The following PLPPR1 variants were observed in gnomAD, a reference collection of about 807,000 sequenced individuals.
PLPPR1 encodes phospholipid phosphatase-related protein type 1.
A neutral mutation model predicts 33.1 loss-of-function variants in PLPPR1; 10 were observed. The observed-to-expected ratio is 0.30, with a 90% CI of 0.19 to 0.51. The LOEUF (loss-of-function observed/expected upper bound fraction) is 0.51, where lower values mean the gene tolerates loss of function less well. Ranked by LOEUF, PLPPR1 falls within the 20% of genes least tolerant of loss-of-function variation. The pLI, the probability that PLPPR1 is intolerant of heterozygous loss-of-function variation, is 0.97. For synonymous variants in PLPPR1, 151 were observed against 151.0 expected (o/e 1.00, Z 0.00); for missense variants, 304 against 408.1 (o/e 0.74, Z 2.20).
At chr9:101,173,547 A>G (rs1393019181) in intron 1 of PLPPR1, among the ~76,000 whole-genome samples, 5 of 152,124 alleles carry the variant, frequency 3.3e-5, no homozygotes, top group Non-Finnish European at 7.4e-5. Flanking sequence ...TGTTTCCCCC[A>G]GTACAACAAG....
At chr9:101,169,150 T>C (rs1157432266) in intron 1 of PLPPR1, among the ~76,000 whole-genome samples, 1 of 152,130 alleles carries the variant, frequency 6.6e-6, no homozygotes, top group East Asian at 1.9e-4. Flanking sequence ...TGCTGGGGAC[T>C]TTCCCAATGT....
chr9:101,161,230 A>G, intron 1 of PLPPR1, among the ~76,000 whole-genome samples: 1 of 152,158 alleles, frequency 6.6e-6, no homozygotes, highest in African/African-American at 2.4e-5. Context: ...TATAGTAGTT[A>G]TCATGTTGCC....
intron 1 of PLPPR1, among the ~76,000 whole-genome samples, chr9:101,091,215 G>T: frequency 6.6e-6 from 1 of 151,958 alleles, no homozygotes; most frequent in Non-Finnish European, 1.5e-5. Flanking sequence ...ATCTCATATA[G>T]TTGCCCAGGA....
At chr9:101,172,667 G>A (rs12345042) in intron 1 of PLPPR1, among the ~76,000 whole-genome samples, 99 of 152,090 alleles carry the variant, frequency 6.5e-4, no homozygotes, top group African/African-American at 2.3e-3. Flanking sequence ...ACCCCCAAGT[G>A]CTCTCTCTCT....
chr9:101,114,727 A>G (rs1260273080), intron 1 of PLPPR1, among the ~76,000 whole-genome samples: 3 of 152,196 alleles, frequency 2.0e-5, no homozygotes, highest in Non-Finnish European at 4.4e-5. Flanking sequence ...GATGCTCTTA[A>G]CAATTACATA....
rs9776089 is a variant in PLPPR1 at position 101,153,269 on chromosome 9, C to T, written c.-45-32181C>T. 6.6e-3 allele frequency among the ~76,000 whole-genome samples: 1,009 copies of T among 152,264 alleles called. 10 individuals are homozygous for T. Among genetic ancestry groups the T allele is most frequent in the African/African-American group, 0.024 (977 of 41,546 alleles). ...TTGTATCCTGAGACTGCTGAAGTTG[C>T]TTATCAGCTTAAGGAGATTTTGGGT... On this transcript the variant is annotated intron_variant, in intron 1 of 7. Transcript: ENST00000374874.
In PLPPR1 at chr9:101,078,188, GA is replaced by G. The variant is rs1411942061; in HGVS notation, c.-46+49087del. On this transcript the variant is annotated intron_variant, in intron 1 of 7. Coordinates refer to ENST00000374874, the MANE Select transcript of PLPPR1 (RefSeq NM_207299.2). ...AGAAGAAGAAGAAGAAGAAGAAGAG[GA>G]GGGGGGGAGGGGGAGGGGGAGGGGG... Among the ~76,000 whole-genome samples, 3 of 22,914 alleles carry G rather than the reference GA, an allele frequency of 1.3e-4. 1 individual carries two copies. The highest frequency in any genetic ancestry group is 2.6e-4 in the Non-Finnish European group (3 of 11,686). The allele number at this position is 22,914 out of a possible 152,430, so 15.0% of individuals were successfully genotyped here. A position where few individuals can be genotyped will look rare whatever the true frequency, so the allele number is the denominator to read the frequency against.
At chr9:101,114,893 G>C (rs925271848) in intron 1 of PLPPR1, among the ~76,000 whole-genome samples, 6 of 152,222 alleles carry the variant, frequency 3.9e-5, no homozygotes, top group South Asian at 2.1e-4. Flanking sequence ...GAGAGCTTAG[G>C]ACAATTTGTT....
intron 1 of PLPPR1, among the ~76,000 whole-genome samples, chr9:101,120,242 C>T (rs1831161919): frequency 6.6e-6 from 1 of 152,220 alleles, no homozygotes; most frequent in Non-Finnish European, 1.5e-5. Context: ...TTAGCACCTT[C>T]ACTCTAGCCA....
chr9:101,252,066 C>A (rs910889107), intron 2 of PLPPR1, among the ~76,000 whole-genome samples: 1 of 152,082 alleles, frequency 6.6e-6, no homozygotes, highest in Admixed American at 6.6e-5. Flanking sequence ...TTTAAACTTA[C>A]ACTTCGTTCA....
chr9:101,285,534 G>A (rs903540316), intron 3 of PLPPR1, among the ~76,000 whole-genome samples: 6 of 152,126 alleles, frequency 3.9e-5, no homozygotes, highest in Non-Finnish European at 8.8e-5. Context: ...ATGTTGTGGT[G>A]GATAGGTTCT....
intron 1 of PLPPR1, among the ~76,000 whole-genome samples, chr9:101,126,745 G>C (rs1198316746): frequency 1.3e-5 from 2 of 152,008 alleles, no homozygotes; most frequent in Non-Finnish European, 2.9e-5. Context: ...CTTTTTTTCA[G>C]TTTCTCTTTC....
rs1487025156 is a variant in PLPPR1 at position 101,068,652 on chromosome 9, T to G, written c.-46+39550T>G. On this transcript the variant is annotated intron_variant, in intron 1 of 7. Coordinates refer to ENST00000374874, the MANE Select transcript of PLPPR1 (RefSeq NM_207299.2). ...TAAATTAAAACCTAGCCTCCCTGAGTCTATGATCCCTTCCCCAAACACCGA... is the reference window on the plus strand; with the variant it reads ...TAAATTAAAACCTAGCCTCCCTGAGGCTATGATCCCTTCCCCAAACACCGA... 3.3e-5 allele frequency among the ~76,000 whole-genome samples: 5 copies of G among 151,794 alleles called. No individual in the cohort carries two copies. The East Asian group carries it at 9.7e-4, about 30-fold the overall frequency.
intron 1 of PLPPR1, among the ~76,000 whole-genome samples, chr9:101,108,103 C>A (rs10989407): frequency 3.7e-4 from 55 of 146,798 alleles, no homozygotes; most frequent in Non-Finnish European, 1.3e-4. Context: ...AGAAATCACC[C>A]GTCTTCTGCG....
intron 2 of PLPPR1, among the ~76,000 whole-genome samples, chr9:101,256,122 A>G (rs1827797723): frequency 6.6e-6 from 1 of 152,152 alleles, no homozygotes; most frequent in Non-Finnish European, 1.5e-5. Context: ...TGCTTCCTTA[A>G]AAAACAACAA....
chr9:101,128,856 A>G (rs1831280176), intron 1 of PLPPR1, among the ~76,000 whole-genome samples: 1 of 152,186 alleles, frequency 6.6e-6, no homozygotes, highest in Non-Finnish European at 1.5e-5. Context: ...GAGGACTTTG[A>G]AACCCCATCT....
intron 1 of PLPPR1, among the ~76,000 whole-genome samples, chr9:101,063,416 T>C (rs534410864): frequency 6.6e-6 from 1 of 152,166 alleles, no homozygotes; most frequent in Admixed American, 6.5e-5. Context: ...ACCCTTCTAG[T>C]GGTGGCACTT....
At chr9:101,194,397 A>G (rs1253392632) in intron 2 of PLPPR1, among the ~76,000 whole-genome samples, 1 of 152,114 alleles carries the variant, frequency 6.6e-6, no homozygotes, top group Non-Finnish European at 1.5e-5. Context: ...AATTTGATGC[A>G]TGTAGTTTTC....
intron 1 of PLPPR1, among the ~76,000 whole-genome samples, chr9:101,115,326 T>A (rs1831105382): frequency 1.3e-5 from 2 of 152,202 alleles, no homozygotes. Context: ...CCTGCATAAA[T>A]TTAGCCTGTG....
Sources: allele counts gnomAD v4.1 joint callset (sites outside exome capture counted in the v4.1 genomes callset), GRCh38; gene constraint gnomAD v4.1.1; transcripts MANE v1.5; gene names NCBI Gene and HGNC (gene_info 2026-07-23, HGNC 2026-07-21).